Variants in STK10 observed in about 807,000 individuals in gnomAD.
STK10 encodes serine/threonine kinase 10.
STK10 carries 78 observed loss-of-function variants against 113.8 expected under a neutral mutation model. The ratio of observed to expected loss-of-function variants is 0.69; its 90% CI spans 0.57 to 0.83. The LOEUF (loss-of-function observed/expected upper bound fraction) is 0.83, where lower values mean the gene tolerates loss of function less well. STK10 is among the 40% of genes least tolerant of loss of function. The probability of loss-of-function intolerance (pLI) is 0.00; values close to 1 mark genes in which losing one functional copy is unlikely to be tolerated. For synonymous variants in STK10, 465 were observed against 494.7 expected (o/e 0.94, Z 0.80); for missense variants, 1,109 against 1,280.1 (o/e 0.87, Z 2.04).
intron 5 of STK10, 86 bp from the exon 6 acceptor site, chr5:172,106,900 G>A (rs1769126758): frequency 2.2e-6 from 3 of 1,388,702 alleles, no homozygotes; most frequent in Non-Finnish European, 2.9e-6. Flanking sequence ...GCCACCACGA[G>A]CCACTGTCGG....
intron 6 of STK10, among the ~76,000 whole-genome samples, chr5:172,106,419 G>A (rs10214087): frequency 0.56 from 54,724 of 97,010 alleles, 16,769 homozygotes; most frequent in East Asian, 0.78. Context: ...AAAAAAAAAA[G>A]GAACACAAAG....
chr5:172,087,210 G>A lies in STK10; in HGVS notation c.1685+3022C>T, dbSNP rs114060288. On this transcript the variant is annotated intron_variant, in intron 10 of 18. Coordinates refer to ENST00000176763, the MANE Select transcript of STK10 (RefSeq NM_005990.4). ...TTTTTCCTCCCTCTGTCTCCTAGAG[G>A]GAGAAGAGATCCACAACATCTAAAA... Among the ~76,000 whole-genome samples, 83 of 150,562 alleles carry A rather than the reference G, an allele frequency of 5.5e-4. 1 individual carries two copies. The highest frequency in any genetic ancestry group is 2.0e-3 in the African/African-American group (80 of 40,866).
intron 1 of STK10, among the ~76,000 whole-genome samples, chr5:172,168,694 A>G (rs1770612713): frequency 6.6e-6 from 1 of 152,192 alleles, no homozygotes; most frequent in Admixed American, 6.5e-5. Context: ...AGGGAGGCCC[A>G]GGCAGAGAAA....
chr5:172,046,274 C>G (rs1014451535), intron 18 of STK10, among the ~76,000 whole-genome samples: 1 of 150,826 alleles, frequency 6.6e-6, no homozygotes, highest in African/African-American at 2.4e-5. Context: ...GCAGGAGAAT[C>G]ACTTGAGGCG....
chr5:172,071,266 C>A (rs1768175119), intron 12 of STK10, among the ~76,000 whole-genome samples: 1 of 104,724 alleles, frequency 9.5e-6, no homozygotes. Flanking sequence ...ATTGGAAGGC[C>A]ATGTAACAAT....
At chr5:172,050,958 C>A (rs1767613549) in intron 18 of STK10, among the ~76,000 whole-genome samples, 2 of 152,022 alleles carry the variant, frequency 1.3e-5, no homozygotes, top group African/African-American at 4.8e-5. Context: ...CACCTATAAT[C>A]CCAGCACTTT....
At chr5:172,167,769 AC>A (rs1347615687) in intron 1 of STK10, among the ~76,000 whole-genome samples, 2 of 152,232 alleles carry the variant, frequency 1.3e-5, no homozygotes, top group African/African-American at 4.8e-5. Flanking sequence ...CACTGTGGCT[AC>A]CGTATTGAAC....
chr5:172,149,323 C>T (rs1404162969), intron 2 of STK10, among the ~76,000 whole-genome samples: 2 of 152,238 alleles, frequency 1.3e-5, no homozygotes, highest in African/African-American at 4.8e-5. Context: ...CACCCCCTGC[C>T]TCCTGATTCA....
rs554176659 is a variant in STK10, at chr5:172,079,547, A to ATATT, written c.1989+2775_1989+2778dup. On this transcript the variant is annotated intron_variant, in intron 12 of 18. Transcript: ENST00000176763. ...CCGGAAATTAATAGAATATATACATATATTTATTTATTTATTTATTTATTT... is the reference window on the plus strand; with the variant it reads ...CCGGAAATTAATAGAATATATACATATATTTATTTATTTATTTATTTATTTATTT... 7.6e-3 allele frequency among the ~76,000 whole-genome samples: 1,072 copies of ATATT among 140,368 alleles called. 10 individuals are homozygous for ATATT. The highest frequency in any genetic ancestry group is 0.023 in the African/African-American group (826 of 36,274). 92.1% of individuals were successfully genotyped at this position (140,368 alleles called of 152,430 possible).
chr5:172,185,960 G>A (rs1465091493), intron 1 of STK10, among the ~76,000 whole-genome samples: 1 of 152,152 alleles, frequency 6.6e-6, no homozygotes, highest in Non-Finnish European at 1.5e-5. Flanking sequence ...TGGGCTCAGA[G>A]GGGAGGTGGC....
chr5:172,110,094 G>A (rs2113768995), intron 4 of STK10, among the ~76,000 whole-genome samples: 1 of 152,356 alleles, frequency 6.6e-6, no homozygotes, highest in South Asian at 2.1e-4. Context: ...GGCTCCATCA[G>A]GAGCGAGACA....
chr5:172,167,030 C>T (rs888097807), intron 1 of STK10, among the ~76,000 whole-genome samples: 1 of 151,954 alleles, frequency 6.6e-6, no homozygotes, highest in East Asian at 1.9e-4. Context: ...CAAGATGGCG[C>T]GCACCTGTAG....
chr5:172,077,757 T>G (rs1768343615), intron 12 of STK10, among the ~76,000 whole-genome samples: 1 of 152,152 alleles, frequency 6.6e-6, no homozygotes, highest in Non-Finnish European at 1.5e-5. Context: ...TTGGTTTTTT[T>G]TTTTTGGTGT....
In STK10 at chr5:172,127,319, G is replaced by A. The variant is rs1581169053; in HGVS notation, c.370+54C>T. ...AGAGCTGTCCAGCAGTCAGGCTTAG[G>A]ACTCCAAACGAGTCGTCTGGTCCCG... On this transcript the variant is annotated intron_variant, in intron 3 of 18. Transcript: ENST00000176763. 5 of 1,604,690 alleles carry A rather than the reference G, an allele frequency of 3.1e-6. No homozygotes were observed. In the East Asian group the frequency reaches 8.9e-5, roughly 29 times the overall value.
intron 4 of STK10, among the ~76,000 whole-genome samples, chr5:172,111,463 T>A (rs1338291516): frequency 6.6e-6 from 1 of 152,196 alleles, no homozygotes; most frequent in East Asian, 1.9e-4. Context: ...TAGCTGCTAC[T>A]TCCCCTTCTG....
intron 13 of STK10, among the ~76,000 whole-genome samples, chr5:172,061,982 C>CTTTTT (rs1010011082): frequency 7.0e-6 from 1 of 142,098 alleles, no homozygotes. Context: ...TTTCTTTTTT[C>CTTTTT]TTTTTTTTTT....
Position 172,139,493 on chromosome 5 carries a change from GA to G in STK10, c.322-12073del, listed in dbSNP as rs551856973. On this transcript the variant is annotated intron_variant, in intron 2 of 18. Transcript: ENST00000176763. ...GCAATATAGTGAGACCCCATCTCTG[GA>G]AAAAAAAAAAAAAAAGAAAAGAGAG... 8.3e-3 allele frequency among the ~76,000 whole-genome samples: 882 copies of G among 106,552 alleles called. 3 individuals carry two copies. The highest frequency in any genetic ancestry group is 0.021 in the African/African-American group (655 of 31,732). The allele number at this position is 106,552 out of a possible 152,430, so 69.9% of individuals were successfully genotyped here.
chr5:172,170,260 C>T (rs1770644111), intron 1 of STK10, among the ~76,000 whole-genome samples: 1 of 151,962 alleles, frequency 6.6e-6, no homozygotes. Context: ...AAGAAGTCGA[C>T]TTTCTCCATA....
intron 4 of STK10, 50 bp downstream of exon 4, chr5:172,117,431 C>G: frequency 6.2e-7 from 1 of 1,601,122 alleles, no homozygotes; most frequent in Non-Finnish European, 8.5e-7. Context: ...AGGCCAACAC[C>G]CCCAGGCAGA....
Sources: gnomAD v4.1 joint callset for allele counts (sites outside exome capture counted in the v4.1 genomes callset) on GRCh38, gnomAD v4.1.1 for gene constraint, MANE v1.5 for transcripts, NCBI Gene and HGNC (gene_info 2026-07-23, HGNC 2026-07-21) for gene names.